The following SORCS1 variants were observed in gnomAD, a reference collection of about 807,000 sequenced individuals.
SORCS1 encodes sortilin related VPS10 domain containing receptor 1.
A neutral mutation model predicts 146.1 loss-of-function variants in SORCS1; 60 were observed. The ratio of observed to expected loss-of-function variants is 0.41; its 90% CI spans 0.33 to 0.51. SORCS1 has a LOEUF of 0.51. Among genes scored for constraint, SORCS1 ranks in the 20% least tolerant of loss-of-function variants. The probability of loss-of-function intolerance (pLI) is 0.21; values close to 1 mark genes in which losing one functional copy is unlikely to be tolerated. For synonymous variants in SORCS1, 637 were observed against 584.0 expected (o/e 1.09, Z -1.31); for missense variants, 1,352 against 1,487.6 (o/e 0.91, Z 1.50).
At chr10:107,067,346 T>C (rs577252191) in intron 1 of SORCS1, among the ~76,000 whole-genome samples, 2 of 152,192 alleles carry the variant, frequency 1.3e-5, no homozygotes, top group Admixed American at 1.3e-4. Context: ...CAGACACTTA[T>C]CTGGGTAACC....
chr10:106,936,417 A>C (rs1302245650), intron 2 of SORCS1, among the ~76,000 whole-genome samples: 1 of 152,188 alleles, frequency 6.6e-6, no homozygotes, highest in African/African-American at 2.4e-5. Flanking sequence ...ATCTCAGAGC[A>C]GGCTTTTTCC....
At chr10:106,945,415 A>G (rs949061956) in intron 2 of SORCS1, among the ~76,000 whole-genome samples, 3 of 152,176 alleles carry the variant, frequency 2.0e-5, no homozygotes, top group Non-Finnish European at 4.4e-5. Flanking sequence ...TTGCTTATTA[A>G]GCTTAAATTT....
At chr10:106,988,463 C>A (rs964268287) in intron 1 of SORCS1, among the ~76,000 whole-genome samples, 1 of 151,986 alleles carries the variant, frequency 6.6e-6, no homozygotes, top group Non-Finnish European at 1.5e-5. Context: ...GACGTCTTAG[C>A]GTCTGAAAAA....
chr10:106,797,829 G>C (rs1215529699), intron 3 of SORCS1, among the ~76,000 whole-genome samples: 1 of 152,148 alleles, frequency 6.6e-6, no homozygotes, highest in African/African-American at 2.4e-5. Flanking sequence ...GGCAACCCCA[G>C]AGTGGCACAC....
intron 2 of SORCS1, among the ~76,000 whole-genome samples, chr10:106,906,570 G>A (rs978129349): frequency 7.2e-5 from 11 of 152,134 alleles, no homozygotes; most frequent in African/African-American, 1.7e-4. Context: ...ATCAGATCTC[G>A]CAAGACTTAT....
At chr10:106,627,404 A>G (rs557659529) in intron 19 of SORCS1, among the ~76,000 whole-genome samples, 33 of 152,324 alleles carry the variant, frequency 2.2e-4, no homozygotes, top group African/African-American at 7.5e-4. Context: ...ATCACCCCTT[A>G]TAGAATAAGC....
intron 1 of SORCS1, among the ~76,000 whole-genome samples, chr10:107,124,178 C>T (rs1421883699): frequency 1.3e-5 from 2 of 151,932 alleles, no homozygotes; most frequent in East Asian, 1.9e-4. Context: ...TTTTGTACCA[C>T]GCTTCAGTGC....
intron 25 of SORCS1, chr10:106,578,921 G>C: frequency 7.0e-7 from 1 of 1,423,096 alleles, no homozygotes; most frequent in East Asian, 2.5e-5. Flanking sequence ...AGGTTTGTTT[G>C]TTTTTCCCCC....
chr10:106,866,230 A>G (rs1232985824), intron 2 of SORCS1, among the ~76,000 whole-genome samples: 1 of 152,072 alleles, frequency 6.6e-6, no homozygotes, highest in Non-Finnish European at 1.5e-5. Flanking sequence ...ACAAAAGAGC[A>G]AAGACCCTAA....
chr10:106,944,596 C>T (rs1014067222), intron 2 of SORCS1, among the ~76,000 whole-genome samples: 2 of 152,176 alleles, frequency 1.3e-5, no homozygotes, highest in Non-Finnish European at 2.9e-5. Context: ...ATATGATCTT[C>T]TTTGTATCTG....
chr10:106,756,875 A>T (rs1564935744), intron 5 of SORCS1, among the ~76,000 whole-genome samples: 1 of 152,206 alleles, frequency 6.6e-6, no homozygotes, highest in Non-Finnish European at 1.5e-5. Flanking sequence ...CATGAACCAG[A>T]TGCCTCCTTG....
chr10:106,680,474 C>T (rs1466106384), intron 10 of SORCS1, among the ~76,000 whole-genome samples: 9 of 152,136 alleles, frequency 5.9e-5, no homozygotes, highest in Non-Finnish European at 1.3e-4. Flanking sequence ...GACCCAGTAT[C>T]TCTACCAGGA....
chr10:107,152,645 TCTG>T (rs1968919271), intron 1 of SORCS1, among the ~76,000 whole-genome samples: 1 of 152,166 alleles, frequency 6.6e-6, no homozygotes, highest in South Asian at 2.1e-4. Flanking sequence ...ACCTCTCTCT[TCTG>T]CTGTCACATG....
intron 3 of SORCS1, among the ~76,000 whole-genome samples, chr10:106,821,938 A>T (rs570104215): frequency 2.6e-5 from 4 of 152,228 alleles, no homozygotes; most frequent in East Asian, 3.9e-4. Context: ...ATAAAAAAAA[A>T]AAAAAGTACT....
chr10:106,759,976 G>A (rs1858953415), intron 5 of SORCS1, among the ~76,000 whole-genome samples: 1 of 152,100 alleles, frequency 6.6e-6, no homozygotes, highest in African/African-American at 2.4e-5. Context: ...GTAAATGCAA[G>A]TATCTCTATC....
intron 4 of SORCS1, among the ~76,000 whole-genome samples, chr10:106,764,375 C>T (rs1037085520): frequency 6.6e-6 from 1 of 152,222 alleles, no homozygotes. Flanking sequence ...TGCTCCTCCA[C>T]AAAGAAGGGA....
intron 3 of SORCS1, among the ~76,000 whole-genome samples, chr10:106,780,656 C>T (rs967537093): frequency 5.3e-5 from 8 of 152,278 alleles, no homozygotes; most frequent in African/African-American, 2.4e-5. Flanking sequence ...AGCAAATCCT[C>T]GCTGTTCTAC....
chr10:106,799,362 A>G (rs1303502990), intron 3 of SORCS1, among the ~76,000 whole-genome samples: 2 of 152,220 alleles, frequency 1.3e-5, no homozygotes, highest in South Asian at 4.1e-4. Context: ...ATGGCAACAA[A>G]AGCCAAAACT....
At chr10:106,970,902 C>T (rs988171729) in intron 1 of SORCS1, among the ~76,000 whole-genome samples, 1 of 128,630 alleles carries the variant, frequency 7.8e-6, no homozygotes, top group African/African-American at 2.8e-5. Flanking sequence ...CCATGCACAG[C>T]TAATTTTTTT....
Sources: allele counts gnomAD v4.1 joint callset (sites outside exome capture counted in the v4.1 genomes callset), GRCh38; gene constraint gnomAD v4.1.1; transcripts MANE v1.5; gene names NCBI Gene and HGNC (gene_info 2026-07-23, HGNC 2026-07-21).